The following PPFIA1 variants were observed in gnomAD, a reference collection of about 807,000 sequenced individuals.
PPFIA1 encodes the protein liprin-alpha-1.
A neutral mutation model predicts 149.9 loss-of-function variants in PPFIA1; 25 were observed. The observed-to-expected ratio is 0.17, with a 90% CI of 0.12 to 0.23. The LOEUF is 0.23. Among genes scored for constraint, PPFIA1 ranks in the 10% least tolerant of loss-of-function variants. The pLI is 1.00. For missense variants in PPFIA1, 1,362 were observed against 1,506.5 expected (o/e 0.90, Z 1.59); for synonymous variants, 549 against 552.8 (o/e 0.99, Z 0.10).
intron 19 of PPFIA1, among the ~76,000 whole-genome samples, chr11:70,357,419 T>C (rs1471181579): frequency 6.6e-6 from 1 of 152,160 alleles, no homozygotes; most frequent in East Asian, 1.9e-4. Context: ...TAGTTTTCTT[T>C]TCAAAGCCTT....
rs377478792 is a variant in PPFIA1, at chr11:70,352,851, C to T, written c.2164-1450C>T. 5.1e-4 allele frequency among the ~76,000 whole-genome samples: 78 copies of T among 151,904 alleles called. 2 individuals carry two copies. The East Asian group carries it at 0.011, about 21-fold the overall frequency. On this transcript the variant is annotated intron_variant, in intron 16 of 27. Coordinates refer to ENST00000253925, the MANE Select transcript of PPFIA1 (RefSeq NM_003626.5). Reference sequence around the variant, plus strand: ...GCGGCGTGTGGAGGGATGAGGAGGGCAGCGCTGGCCAGGCTCACGGGGCTT... The same window carrying T: ...GCGGCGTGTGGAGGGATGAGGAGGGTAGCGCTGGCCAGGCTCACGGGGCTT...
chr11:70,316,417 G>A (rs975448042), intron 2 of PPFIA1, among the ~76,000 whole-genome samples: 5 of 152,206 alleles, frequency 3.3e-5, no homozygotes, highest in African/African-American at 9.7e-5. Context: ...ACTGAGTGAA[G>A]TTTTATTTCA....
chr11:70,313,080 G>A (rs920725445), intron 2 of PPFIA1, among the ~76,000 whole-genome samples: 2 of 152,138 alleles, frequency 1.3e-5, no homozygotes, highest in African/African-American at 2.4e-5. Flanking sequence ...AGGAACAGAC[G>A]GCATGTTGAG....
chr11:70,316,811 AAT>A (rs2053658737), intron 2 of PPFIA1, among the ~76,000 whole-genome samples: 1 of 152,248 alleles, frequency 6.6e-6, no homozygotes, highest in Non-Finnish European at 1.5e-5. Context: ...CTTAACTTGA[AAT>A]TGACCTGATT....
chr11:70,315,446 C>G (rs2053550650), intron 2 of PPFIA1, among the ~76,000 whole-genome samples: 1 of 152,030 alleles, frequency 6.6e-6, no homozygotes, highest in African/African-American at 2.4e-5. Flanking sequence ...AATCGTGGCA[C>G]CAGGGTTTCA....
At chr11:70,320,436 C>CTTT (rs34619705) in intron 2 of PPFIA1, among the ~76,000 whole-genome samples, 5 of 128,316 alleles carry the variant, frequency 3.9e-5, no homozygotes, top group African/African-American at 1.2e-4. Flanking sequence ...GATGTAGCTA[C>CTTT]TTTTTTTTTT....
intron 21 of PPFIA1, among the ~76,000 whole-genome samples, chr11:70,363,962 C>G (rs1046523901): frequency 6.6e-6 from 1 of 152,050 alleles, no homozygotes; most frequent in Admixed American, 6.6e-5. Context: ...TGGGCTCAAG[C>G]GATCCTCCTG....
intron 2 of PPFIA1, among the ~76,000 whole-genome samples, chr11:70,304,018 C>CA (rs111257665): frequency 1.2e-3 from 176 of 146,540 alleles, no homozygotes; most frequent in Middle Eastern, 0.011. Context: ...AAAGAAAAGA[C>CA]AAAAAAAAAA....
chr11:70,302,884 C>T (rs1296490150), intron 2 of PPFIA1, among the ~76,000 whole-genome samples: 1 of 151,572 alleles, frequency 6.6e-6, no homozygotes, highest in East Asian at 1.9e-4. Context: ...GCTGGGACTA[C>T]ATTTGTGCCA....
chr11:70,349,832 C>T, intron 16 of PPFIA1: 3 of 442,670 alleles, frequency 6.8e-6, no homozygotes, highest in South Asian at 1.6e-5. Context: ...TATATTTTTT[C>T]TGGTTTTGTA....
intron 2 of PPFIA1, among the ~76,000 whole-genome samples, chr11:70,308,880 GC>G (rs1167544201): frequency 6.6e-6 from 1 of 152,200 alleles, no homozygotes; most frequent in South Asian, 2.1e-4. Context: ...CTATGATTGT[GC>G]CACTTCACTT....
At chr11:70,302,797 T>C (rs1266908035) in intron 2 of PPFIA1, among the ~76,000 whole-genome samples, 1 of 148,946 alleles carries the variant, frequency 6.7e-6, no homozygotes, top group Non-Finnish European at 1.5e-5. Flanking sequence ...TTTAAAGACA[T>C]GTGATCCCAG....
intron 2 of PPFIA1, among the ~76,000 whole-genome samples, chr11:70,298,743 T>C (rs1329751682): frequency 1.3e-5 from 2 of 152,190 alleles, no homozygotes; most frequent in African/African-American, 2.4e-5. Context: ...TCTCCTGTGC[T>C]GTGACTCACT....
chr11:70,362,777 A>G (rs534851472), intron 21 of PPFIA1: 1 of 238,984 alleles, frequency 4.2e-6, no homozygotes, highest in Non-Finnish European at 8.1e-6. Flanking sequence ...ATATGGAAAT[A>G]TGAAATACGA....
intron 2 of PPFIA1, among the ~76,000 whole-genome samples, chr11:70,291,072 A>T (rs2051493515): frequency 6.6e-6 from 1 of 151,948 alleles, no homozygotes; most frequent in South Asian, 2.1e-4. Flanking sequence ...TTTAGTAGAG[A>T]CGGGGTTTCT....
chr11:70,322,450 G>A (rs531904414), intron 2 of PPFIA1, among the ~76,000 whole-genome samples: 9 of 152,188 alleles, frequency 5.9e-5, no homozygotes, highest in East Asian at 1.9e-4. Context: ...TCTACTTGGC[G>A]GCCTCTCCCT....
intron 14 of PPFIA1, 96 bp downstream of exon 14, chr11:70,339,402 A>AT: frequency 7.1e-7 from 1 of 1,403,870 alleles, no homozygotes; most frequent in Non-Finnish European, 9.6e-7. Flanking sequence ...TTGATAGGTC[A>AT]TTGCTTTCTT....
chr11:70,369,934 C>T (rs2135347980), intron 21 of PPFIA1, among the ~76,000 whole-genome samples: 1 of 150,776 alleles, frequency 6.6e-6, no homozygotes, highest in East Asian at 1.9e-4. Context: ...CCATGCCTGG[C>T]TGCCCTCTTT....
At chr11:70,330,087 T>TA in intron 7 of PPFIA1, 86 bp from the exon 8 acceptor site, 6 of 1,258,662 alleles carry the variant, frequency 4.8e-6, no homozygotes, top group Non-Finnish European at 6.6e-6. Flanking sequence ...ATTTGGGATT[T>TA]ACTTCAGTTT....
Sources: gnomAD v4.1 joint callset for allele counts (sites outside exome capture counted in the v4.1 genomes callset) on GRCh38, gnomAD v4.1.1 for gene constraint, MANE v1.5 for transcripts, NCBI Gene and HGNC (gene_info 2026-07-23, HGNC 2026-07-21) for gene names.